AGTR1: variants seen among roughly 807,000 people sequenced by gnomAD.
The protein encoded by AGTR1 is angiotensin II receptor type 1.
Under a neutral mutation model 19.4 loss-of-function variants are expected in AGTR1, and 16 were observed. The ratio of observed to expected loss-of-function variants is 0.82; its 90% CI spans 0.56 to 1.25. AGTR1 has a LOEUF of 1.25. Ranked by LOEUF, AGTR1 falls within the 50% of genes most tolerant of loss-of-function variation. The probability of loss-of-function intolerance (pLI) is 0.00; values close to 1 mark genes in which losing one functional copy is unlikely to be tolerated. For missense variants in AGTR1, 373 were observed against 431.9 expected (o/e 0.86, Z 1.21); for synonymous variants, 153 against 154.9 (o/e 0.99, Z 0.09).
chr3:148,716,379 TC>T lies in AGTR1; in HGVS notation c.-48+8353del, dbSNP rs1247534621. Reference sequence around the variant, plus strand: ...AAAGAGAACAAGATCTAGTAGAATTTCAGGTCCTAAGCCTGGTTAAATTTCA... The same window carrying T: ...AAAGAGAACAAGATCTAGTAGAATTTAGGTCCTAAGCCTGGTTAAATTTCA... On this transcript the variant is annotated intron_variant, in intron 2 of 2. Coordinates refer to ENST00000349243, the MANE Select transcript of AGTR1 (RefSeq NM_000685.5). This position sits in a 1 kb window ranked among gnomAD's most constrained non-coding sequence, Gnocchi z 4.7. Among the ~76,000 whole-genome samples the T allele has an allele frequency of 6.6e-6, 1 of 152,168 alleles. No individual in the cohort carries two copies. Among genetic ancestry groups the T allele is most frequent in the Non-Finnish European group, 1.5e-5 (1 of 68,034 alleles).
At chr3:148,734,571 A>T (rs1415739257) in intron 2 of AGTR1, among the ~76,000 whole-genome samples, 2 of 152,206 alleles carry the variant, frequency 1.3e-5, no homozygotes. Flanking sequence ...ACTTAATTAG[A>T]ATGACATTAA....
chr3:148,738,626 C>T (rs1714700679), intron 2 of AGTR1, among the ~76,000 whole-genome samples: 1 of 152,146 alleles, frequency 6.6e-6, no homozygotes, highest in African/African-American at 2.4e-5. Flanking sequence ...GTCATACCTC[C>T]CTAAAAGCCT....
At position 148,741,880 on chromosome 3, in the gene AGTR1, C is replaced by T. The variant is rs104893677; in HGVS notation, c.845C>T (p.Thr282Met). Residue 282 changes from threonine to methionine, a missense_variant, in exon 3 of 3, where the codon ACG becomes ATG. Coordinates refer to ENST00000349243, the MANE Select transcript of AGTR1 (RefSeq NM_000685.5). ...TGTAGAATTGCAGATATTGTGGACACGGCCATGCCTATCACCATTTGTATA... is the reference window on the plus strand; with the variant it reads ...TGTAGAATTGCAGATATTGTGGACATGGCCATGCCTATCACCATTTGTATA... The part of the protein sequence containing the change: ...RDCRIADIVD[T>M]AMPITICIAY... The T allele has an allele frequency of 4.3e-6, 7 of 1,613,950 alleles. No homozygotes were observed. The highest frequency in any genetic ancestry group is 2.2e-5 in the East Asian group (1 of 44,900).
chr3:148,711,866 A>C (rs1015539282), intron 2 of AGTR1, among the ~76,000 whole-genome samples: 7 of 152,004 alleles, frequency 4.6e-5, no homozygotes, highest in Admixed American at 2.6e-4. Context: ...CTCCTATCTC[A>C]TCCTCCCAAG....
chr3:148,741,076 T>G lies in AGTR1; in HGVS notation c.41T>G (p.Ile14Ser). 6.2e-7 allele frequency: 1 copy of G among 1,614,004 alleles called. No individual in the cohort carries two copies. Among genetic ancestry groups the G allele is most frequent in the South Asian group, 1.1e-5 (1 of 91,082 alleles). ...TCTACTGAAGATGGTATTAAAAGAA[T>G]CCAAGATGATTGTCCCAAAGCTGGA... ...NSSTEDGIKR[I>S]QDDCPKAGRH... The change falls in exon 3 of 3, where the codon ATC becomes AGC. Residue 14 changes from isoleucine (I) to serine (S), a missense_variant. Ile to Ser is a moderately radical substitution (Grantham distance 142). Coordinates refer to ENST00000349243, the MANE Select transcript of AGTR1 (RefSeq NM_000685.5).
intron 2 of AGTR1, among the ~76,000 whole-genome samples, chr3:148,739,378 G>A (rs1714750197): frequency 6.6e-6 from 1 of 151,220 alleles, no homozygotes. Flanking sequence ...AAAAAAAAGT[G>A]TCAAACCTAC....
In AGTR1 at chr3:148,739,990, TCCTG is replaced by T. The variant is rs1206157845; in HGVS notation, c.-47-998_-47-995del. 8 of 1,229,246 alleles carry T rather than the reference TCCTG, an allele frequency of 6.5e-6. 1 individual carries two copies. The highest frequency in any genetic ancestry group is 6.1e-6 in the Non-Finnish European group (6 of 985,776). 76.1% of individuals were successfully genotyped at this position (1,229,246 alleles called of 1,614,324 possible). Reference sequence around the variant, plus strand: ...ACTCTCACTGAACCTTCAGCCTCCTTCCTGGGACTTCCTGATGGACTGTTATCCA... The same window carrying T: ...ACTCTCACTGAACCTTCAGCCTCCTTGGACTTCCTGATGGACTGTTATCCA... On this transcript the variant is annotated intron_variant, in intron 2 of 2. Coordinates refer to ENST00000349243, the MANE Select transcript of AGTR1 (RefSeq NM_000685.5).
At chr3:148,723,415 A>T (rs1405956214) in intron 2 of AGTR1, among the ~76,000 whole-genome samples, 4 of 152,180 alleles carry the variant, frequency 2.6e-5, no homozygotes, top group Non-Finnish European at 5.9e-5. Flanking sequence ...GGCTCTATGA[A>T]ATAGCTTCAG....
At chr3:148,739,313 CG>C (rs1325380777) in intron 2 of AGTR1, among the ~76,000 whole-genome samples, 1 of 151,194 alleles carries the variant, frequency 6.6e-6, no homozygotes, top group Non-Finnish European at 1.5e-5. Flanking sequence ...GAGCCAAGAT[CG>C]CACCACTGCA....
intron 2 of AGTR1, among the ~76,000 whole-genome samples, chr3:148,709,541 C>G (rs1712864734): frequency 6.6e-6 from 1 of 152,038 alleles, no homozygotes; most frequent in East Asian, 1.9e-4. Flanking sequence ...GATGAATAAG[C>G]AAAACATACT....
At chr3:148,723,837 T>C (rs1445826052) in intron 2 of AGTR1, among the ~76,000 whole-genome samples, 2 of 152,144 alleles carry the variant, frequency 1.3e-5, no homozygotes, top group African/African-American at 2.4e-5. Context: ...GCATGTGGAA[T>C]GGAAGGGGGA....
At chr3:148,709,819 T>G (rs552106464) in intron 2 of AGTR1, among the ~76,000 whole-genome samples, 1 of 152,294 alleles carries the variant, frequency 6.6e-6, no homozygotes, top group African/African-American at 2.4e-5. Context: ...ACTTCAGAGC[T>G]TGTTTCACAG....
At chr3:148,705,617 G>A (rs527553105) in intron 1 of AGTR1, among the ~76,000 whole-genome samples, 1 of 152,116 alleles carries the variant, frequency 6.6e-6, no homozygotes, top group South Asian at 2.1e-4. Context: ...GTGGATTTTT[G>A]AGAGAACACA....
intron 2 of AGTR1, among the ~76,000 whole-genome samples, chr3:148,728,009 C>T (rs1714052698): frequency 1.3e-5 from 2 of 152,040 alleles, no homozygotes; most frequent in African/African-American, 4.8e-5. Flanking sequence ...AGTAATACCC[C>T]CCACACCTCC....
chr3:148,723,700 G>A (rs2107950930), intron 2 of AGTR1, among the ~76,000 whole-genome samples: 1 of 152,344 alleles, frequency 6.6e-6, no homozygotes, highest in Non-Finnish European at 1.5e-5. Flanking sequence ...CTCAGACTGA[G>A]TCAGGCACAT....
chr3:148,706,922 C>A (rs1336451692), intron 1 of AGTR1, among the ~76,000 whole-genome samples: 2 of 151,806 alleles, frequency 1.3e-5, no homozygotes, highest in African/African-American at 2.4e-5. Flanking sequence ...CATATACAAA[C>A]AATTTGGTTC....
intron 1 of AGTR1, among the ~76,000 whole-genome samples, chr3:148,702,046 C>T (rs1264161307): frequency 6.8e-6 from 1 of 147,230 alleles, no homozygotes; most frequent in African/African-American, 2.6e-5. Context: ...GGCATGATCT[C>T]GGCTCACTGC....
rs1434001031 is a variant in AGTR1 at position 148,741,094 on chromosome 3, A to C, written c.59A>C (p.Lys20Thr). 1 of 1,614,014 alleles carries C rather than the reference A, an allele frequency of 6.2e-7. No individual in the cohort carries two copies. Among genetic ancestry groups the C allele is most frequent in the African/African-American group, 1.3e-5 (1 of 74,938 alleles). ...GIKRIQDDCP[K>T]AGRHNYIFVM... Reference sequence around the variant, plus strand: ...AAAAGAATCCAAGATGATTGTCCCAAAGCTGGAAGGCATAATTACATATTT... The same window carrying C: ...AAAAGAATCCAAGATGATTGTCCCACAGCTGGAAGGCATAATTACATATTT... Residue 20 changes from lysine (K) to threonine (T), a missense_variant, in exon 3 of 3, where the codon AAA (lysine) becomes ACA (threonine). Lys to Thr is a moderately conservative substitution (Grantham distance 78). Coordinates refer to ENST00000349243, the MANE Select transcript of AGTR1 (RefSeq NM_000685.5).
rs12721277 is a variant in AGTR1, at chr3:148,742,197, G to A, written c.*82G>A. On this transcript the variant is annotated 3_prime_UTR_variant, in exon 3 of 3. Transcript: ENST00000349243. ...CCTCTGCAGCACTTCACTACCAAAT[G>A]AGCATTAGCTACTTTTCAGAATTGA... is the stretch of plus-strand genomic sequence containing the variant. 9.7e-6 allele frequency: 15 copies of A among 1,553,658 alleles called. No individual in the cohort carries two copies. In the South Asian group the frequency reaches 1.6e-4, roughly 16 times the overall value.
Sources: allele counts gnomAD v4.1 joint callset (sites outside exome capture counted in the v4.1 genomes callset), GRCh38; gene constraint gnomAD v4.1.1; non-coding constraint Gnocchi (gnomAD v3.1); transcripts MANE v1.5; gene names NCBI Gene and HGNC (gene_info 2026-07-23, HGNC 2026-07-21).